The following TACC1 variants were observed in gnomAD, a reference collection of about 807,000 sequenced individuals.
The protein encoded by TACC1 is transforming acidic coiled-coil-containing protein 1.
In TACC1, 48 loss-of-function variants were observed where a neutral mutation model predicts 84.4. The ratio of observed to expected loss-of-function variants is 0.57; its 90% CI spans 0.45 to 0.72. The LOEUF (loss-of-function observed/expected upper bound fraction) is 0.72. TACC1 is among the 30% of genes least tolerant of loss of function. The probability of loss-of-function intolerance (pLI) is 0.00; values close to 1 mark genes in which losing one functional copy is unlikely to be tolerated. For missense variants in TACC1, 920 were observed against 973.0 expected (o/e 0.95, Z 0.72); for synonymous variants, 372 against 376.3 (o/e 0.99, Z 0.13).
chr8:38,798,924 G>A (rs989510769), intron 2 of TACC1, among the ~76,000 whole-genome samples: 1 of 152,104 alleles, frequency 6.6e-6, no homozygotes, highest in Non-Finnish European at 1.5e-5. Context: ...AAGTGAGAAC[G>A]AACATATATA....
At chr8:38,784,294 C>T (rs1344442563), upstream of TACC1, among the ~76,000 whole-genome samples, 9 of 152,062 alleles carry the variant, frequency 5.9e-5, no homozygotes, top group Non-Finnish European at 1.2e-4. Flanking sequence ...TGCTGCAGGC[C>T]GGGTGCGGTG....
intron 3 of TACC1, among the ~76,000 whole-genome samples, chr8:38,759,703 T>A (rs1045681375): frequency 1.3e-5 from 2 of 152,222 alleles, no homozygotes; most frequent in Non-Finnish European, 2.9e-5. Context: ...CAGTCAGTAC[T>A]GGGATTACTG....
Position 38,790,885 on chromosome 8 carries a change from A to T in TACC1, c.277+2066A>T, listed in dbSNP as rs139784138. ...GAATAGGCAAGCTTATATACTGGAG[A>T]ATTTGTGTGCGACGCATAGCTGTGT... On this transcript the variant is annotated intron_variant, in intron 2 of 12. Coordinates refer to ENST00000317827, the MANE Select transcript of TACC1 (RefSeq NM_006283.3). Among the ~76,000 whole-genome samples the T allele has an allele frequency of 3.0e-3, 460 of 152,250 alleles. 6 individuals are homozygous for T. The highest frequency in any genetic ancestry group is 6.7e-3 in the Admixed American group (102 of 15,294).
At chr8:38,846,920 T>G (rs1299295735) in intron 12 of TACC1, 101 bp downstream of exon 12, 33 of 1,408,564 alleles carry the variant, frequency 2.3e-5, no homozygotes, top group Non-Finnish European at 3.2e-5. Flanking sequence ...AGGCCTTGGC[T>G]TTCTACTCAG....
intron 6 of TACC1, among the ~76,000 whole-genome samples, 155 bp downstream of exon 6, chr8:38,831,332 G>A (rs1471725528): frequency 2.0e-5 from 3 of 152,164 alleles, no homozygotes; most frequent in Admixed American, 6.5e-5. Flanking sequence ...CATAGTCTCT[G>A]CATTGTAACC....
At chr8:38,802,203 C>T (rs984975904) in intron 2 of TACC1, 1 of 152,300 alleles carries the variant, frequency 6.6e-6, no homozygotes, top group African/African-American at 2.4e-5. Flanking sequence ...AGCCACTGCT[C>T]CTGGCCTTGC....
chr8:38,821,377 G>A (rs535829652), intron 3 of TACC1, among the ~76,000 whole-genome samples: 56 of 152,216 alleles, frequency 3.7e-4, no homozygotes, highest in East Asian at 1.2e-3. Flanking sequence ...CCTCTGTAGC[G>A]TCAATAACGT....
At chr8:38,774,848 T>A (rs1000730187) in intron 3 of TACC1, among the ~76,000 whole-genome samples, 1 of 151,818 alleles carries the variant, frequency 6.6e-6, no homozygotes, top group Non-Finnish European at 1.5e-5. Context: ...CCCTCTCTAC[T>A]AAAAATACAA....
intron 3 of TACC1, among the ~76,000 whole-genome samples, chr8:38,773,573 G>GCTATCTAT (rs1563381430): frequency 1.7e-5 from 2 of 116,406 alleles, no homozygotes; most frequent in Non-Finnish European, 4.3e-5. Flanking sequence ...TATCTATCTA[G>GCTATCTAT]CTAGCTATCT....
intron 2 of TACC1, among the ~76,000 whole-genome samples, chr8:38,809,310 T>G (rs564028251): frequency 1.4e-5 from 2 of 143,314 alleles, no homozygotes; most frequent in Non-Finnish European, 3.1e-5. Flanking sequence ...AGGTGTAGAG[T>G]GAGGAGATGT....
chr8:38,831,875 C>T (rs1486360842), intron 6 of TACC1, among the ~76,000 whole-genome samples: 7 of 151,494 alleles, frequency 4.6e-5, no homozygotes, highest in African/African-American at 1.2e-4. Context: ...GACGCAATCT[C>T]GGCTCACTAC....
At chr8:38,733,738 C>A (rs1447595712) in intron 1 of TACC1, among the ~76,000 whole-genome samples, 2 of 152,118 alleles carry the variant, frequency 1.3e-5, no homozygotes, top group South Asian at 4.1e-4. Context: ...CCACCCCATT[C>A]CCAGCCTCTC....
chr8:38,743,569 C>T (rs1807499082), intron 2 of TACC1, among the ~76,000 whole-genome samples: 1 of 152,174 alleles, frequency 6.6e-6, no homozygotes, highest in Non-Finnish European at 1.5e-5. Flanking sequence ...CCAAGAAATA[C>T]AGTTCTTCCA....
chr8:38,809,231 G>A (rs1187848710), intron 2 of TACC1, among the ~76,000 whole-genome samples: 2 of 152,070 alleles, frequency 1.3e-5, no homozygotes, highest in Non-Finnish European at 2.9e-5. Flanking sequence ...CTTGACTGAT[G>A]TAGGAACACA....
intron 2 of TACC1, among the ~76,000 whole-genome samples, chr8:38,818,300 A>ATTAGGT (rs1825891572): frequency 6.6e-6 from 1 of 152,190 alleles, no homozygotes; most frequent in Admixed American, 6.5e-5. Context: ...CTGGATTAGG[A>ATTAGGT]TTAGGAAGTA....
chr8:38,787,445 A>C lies in TACC1; in HGVS notation c.-138A>C, dbSNP rs1268874189. 1.5e-6 allele frequency: 2 copies of C among 1,356,626 alleles called. No homozygotes were observed. Among genetic ancestry groups the C allele is most frequent in the Non-Finnish European group, 9.4e-7 (1 of 1,060,462 alleles). 84.0% of individuals were successfully genotyped at this position (1,356,626 alleles called of 1,614,324 possible). A position where few individuals can be genotyped will look rare whatever the true frequency, so the allele number is the denominator to read the frequency against. On this transcript the variant is annotated 5_prime_UTR_variant, in exon 1 of 13. Coordinates refer to ENST00000317827, the MANE Select transcript of TACC1 (RefSeq NM_006283.3). ...GCGCTCCACCAGGGCCCCCGACGGCACTCGTTTAACCACATCCGCGCCTCT... is the reference window on the plus strand; with the variant it reads ...GCGCTCCACCAGGGCCCCCGACGGCCCTCGTTTAACCACATCCGCGCCTCT...
chr8:38,777,506 G>T (rs1815066375), intron 3 of TACC1, among the ~76,000 whole-genome samples: 1 of 152,198 alleles, frequency 6.6e-6, no homozygotes, highest in South Asian at 2.1e-4. Context: ...CAGGGGCCAG[G>T]CACAATAGCT....
chr8:38,805,218 T>C (rs1822391421), intron 2 of TACC1, among the ~76,000 whole-genome samples: 1 of 152,222 alleles, frequency 6.6e-6, no homozygotes, highest in East Asian at 1.9e-4. Context: ...ATACCTTAGA[T>C]GAATTATCTG....
chr8:38,787,227 G>T (rs1324084838), upstream of TACC1: 2 of 1,002,232 alleles, frequency 2.0e-6, no homozygotes, highest in Non-Finnish European at 2.4e-6. Flanking sequence ...CCCGCCGGCC[G>T]GGAGGCGGGA....
Sources: allele counts gnomAD v4.1 joint callset (sites outside exome capture counted in the v4.1 genomes callset), GRCh38; gene constraint gnomAD v4.1.1; transcripts MANE v1.5; gene names NCBI Gene and HGNC (gene_info 2026-07-23, HGNC 2026-07-21).